The following ABCA10 variants were observed in gnomAD, a reference collection of about 807,000 sequenced individuals.
The protein encoded by ABCA10 is ATP-binding cassette sub-family A member 10.
Under a neutral mutation model 187.5 loss-of-function variants are expected in ABCA10, and 169 were observed. The observed-to-expected ratio is 0.90, with a 90% confidence interval of 0.80 to 1.02. ABCA10 has a LOEUF of 1.02. Among genes scored for constraint, ABCA10 ranks in the 50% least tolerant of loss-of-function variants. The probability of loss-of-function intolerance (pLI) is 0.00; values close to 1 mark genes in which losing one functional copy is unlikely to be tolerated. For missense variants in ABCA10, 1,727 were observed against 1,812.4 expected, an observed-to-expected ratio of 0.95 and a Z score of 0.86; for synonymous variants, 574 against 601.8, an observed-to-expected ratio of 0.95 and a Z score of 0.68.
intron 34 of ABCA10, among the ~76,000 whole-genome samples, chr17:69,152,802 GTAAATAAATAAA>G (rs35681422): frequency 5.3e-5 from 8 of 149,644 alleles, no homozygotes; most frequent in Non-Finnish European, 1.0e-4. Context: ...ATACAATTAA[GTAAATAAATAAA>G]TAAATAAATA....
In ABCA10 at chr17:69,228,563, A is replaced by G. The variant is rs192005886; in HGVS notation, c.-313+18T>C. 1 of 152,162 alleles carries G rather than the reference A, an allele frequency of 6.6e-6. No individual in the cohort carries two copies. The highest frequency in any genetic ancestry group is 2.4e-5 in the African/African-American group (1 of 41,558). 9.4% of individuals were successfully genotyped at this position (152,162 alleles called of 1,614,324 possible). A position where few individuals can be genotyped will look rare whatever the true frequency, so the allele number is the denominator to read the frequency against. On this transcript the variant is annotated intron_variant, in intron 1 of 38. Transcript: ENST00000690296. ...AAACCTTATGCAAAGTGAAAATGTAAAACAAATTTTAACTTACAGTTAAGA... is the reference window on the plus strand; with the variant it reads ...AAACCTTATGCAAAGTGAAAATGTAGAACAAATTTTAACTTACAGTTAAGA...
Position 69,201,506 on chromosome 17 carries a change from G to C in ABCA10, c.1169C>G (p.Ala390Gly), listed in dbSNP as rs767436060. The change falls in exon 10 of 39, where the codon GCC (alanine) becomes GGC (glycine). Residue 390 changes from alanine to glycine, a missense_variant. Transcript: ENST00000690296. ...PVSPEFHGKE[A>G]IRIRNVIKEY... ...CATGTAATTTCTTAGTTACCTTATG[G>C]CTTCTTTTCCATGGAATTCTGGAGA... 1 of 1,580,242 alleles carries C rather than the reference G, an allele frequency of 6.3e-7. No individual in the cohort carries two copies. The highest frequency in any genetic ancestry group is 1.2e-5 in the South Asian group (1 of 83,984).
At position 69,221,881 on chromosome 17, in the gene ABCA10, T is replaced by C. The variant is rs748376146; in HGVS notation, c.214A>G (p.Met72Val). 6.2e-7 allele frequency: 1 copy of C among 1,612,932 alleles called. No individual in the cohort carries two copies. Among genetic ancestry groups the C allele is most frequent in the Non-Finnish European group, 8.5e-7 (1 of 1,179,362 alleles). Residue 72 changes from methionine to valine, a missense_variant, in exon 5 of 39, where the codon ATG becomes GTG. Transcript: ENST00000690296. ...AAGTAACAAAAAATTTCACCATGCATGGCCCAACAGTGTTCTTTAAGGAAG... is the reference window on the plus strand; with the variant it reads ...AAGTAACAAAAAATTTCACCATGCACGGCCCAACAGTGTTCTTTAAGGAAG... ...HSEYTEHCWA[M>V]HGEIFCYLAK...
intron 34 of ABCA10, 113 bp from the exon 35 acceptor site, chr17:69,152,594 T>C: frequency 1.4e-6 from 2 of 1,418,552 alleles, no homozygotes; most frequent in South Asian, 1.5e-5. Context: ...GCAAGAAACC[T>C]GTGCAACATG....
Position 69,185,463 on chromosome 17 carries a change from GC to G in ABCA10, c.2497+13del, listed in dbSNP as rs1391493327. 6.3e-7 allele frequency: 1 copy of G among 1,596,016 alleles called. No homozygotes were observed. Among genetic ancestry groups the G allele is most frequent in the Non-Finnish European group, 8.5e-7 (1 of 1,170,340 alleles). On this transcript the variant is annotated intron_variant, in intron 20 of 38. Coordinates refer to ENST00000690296, the MANE Select transcript of ABCA10 (RefSeq NM_001377321.1). ...TAATAAAAACTCACACTAAATTTCA[GC>G]CCCATTTCTCACCTGTATTATTAAC...
At chr17:69,196,698 G>A (rs1488784164) in intron 11 of ABCA10, among the ~76,000 whole-genome samples, 1 of 152,138 alleles carries the variant, frequency 6.6e-6, no homozygotes, top group Non-Finnish European at 1.5e-5. Context: ...CCAAGATCAC[G>A]CCACTGCACT....
chr17:69,210,512 T>C (rs1432453832), intron 9 of ABCA10, among the ~76,000 whole-genome samples: 2 of 152,038 alleles, frequency 1.3e-5, no homozygotes, highest in Non-Finnish European at 2.9e-5. Flanking sequence ...TCTGAGATTT[T>C]GGTGTACACA....
chr17:69,201,803 T>C, intron 9 of ABCA10, 135 bp from the exon 10 acceptor site: 1 of 795,604 alleles, frequency 1.3e-6, no homozygotes, highest in East Asian at 3.1e-5. Flanking sequence ...ATTTTTTTTT[T>C]TGAGACAGTC....
intron 18 of ABCA10, 81 bp downstream of exon 18, chr17:69,190,277 A>G: frequency 7.1e-7 from 1 of 1,408,558 alleles, no homozygotes; most frequent in Non-Finnish European, 9.3e-7. Flanking sequence ...CCACATAAAA[A>G]TCTACAAATA....
At chr17:69,172,591 C>T (rs2074306015) in intron 25 of ABCA10, among the ~76,000 whole-genome samples, 1 of 151,950 alleles carries the variant, frequency 6.6e-6, no homozygotes, top group African/African-American at 2.4e-5. Flanking sequence ...GTCTGTAGTA[C>T]TTTATTATGG....
Position 69,222,515 on chromosome 17 carries a change from C to A in ABCA10, c.199+18G>T. The A allele has an allele frequency of 6.7e-7, 1 of 1,503,532 alleles. No homozygotes were observed. Among genetic ancestry groups the A allele is most frequent in the Non-Finnish European group, 8.8e-7 (1 of 1,132,742 alleles). The allele number at this position is 1,503,532 out of a possible 1,614,324, so 93.1% of individuals were successfully genotyped here. ...TGAAGTATCAAAAAAAAATTATAAT[C>A]AGTTTTTTTATAGTTACCTGTGTAT... On this transcript the variant is annotated intron_variant, in intron 4 of 38. Coordinates refer to ENST00000690296, the MANE Select transcript of ABCA10 (RefSeq NM_001377321.1).
chr17:69,184,640 T>C (rs2074405951), intron 20 of ABCA10, among the ~76,000 whole-genome samples: 1 of 152,100 alleles, frequency 6.6e-6, no homozygotes, highest in African/African-American at 2.4e-5. Context: ...TGGAAAACAG[T>C]GTGGAGATTC....
At chr17:69,225,927 G>C (rs552818060) in intron 2 of ABCA10, among the ~76,000 whole-genome samples, 2 of 152,122 alleles carry the variant, frequency 1.3e-5, no homozygotes, top group East Asian at 1.9e-4. Flanking sequence ...AGATGATAAA[G>C]GGATGACTTA....
intron 34 of ABCA10, among the ~76,000 whole-genome samples, chr17:69,152,829 AATAG>A (rs1222673299): frequency 7.2e-6 from 1 of 138,348 alleles, no homozygotes; most frequent in East Asian, 2.0e-4. Flanking sequence ...TAAATAAATA[AATAG>A]GCTACAAGAG....
At chr17:69,152,258 T>C in intron 35 of ABCA10, 75 bp from the exon 36 acceptor site, 5 of 1,572,098 alleles carry the variant, frequency 3.2e-6, no homozygotes, top group Non-Finnish European at 4.3e-6. Flanking sequence ...AGGAAGGTGT[T>C]TAATTACAGG....
rs768808451 is a variant in ABCA10, at chr17:69,153,350, T to C, written c.4091A>G (p.Asp1364Gly). 7 of 1,613,676 alleles carry C rather than the reference T, an allele frequency of 4.3e-6. No individual in the cohort carries two copies. The highest frequency in any genetic ancestry group is 5.9e-6 in the Non-Finnish European group (7 of 1,179,768). ...ILGNPSVVLLDEPFTGMDPEG... is the reference protein window; with the variant it reads ...ILGNPSVVLLGEPFTGMDPEG... ...GGGGTCCATCCCGGTGAACGGCTCA[T>C]CTAGAAGCACCACTGATGGGTTCCC... Residue 1364 changes from aspartate to glycine, a missense_variant, in exon 34 of 39, where the codon GAT becomes GGT. Coordinates refer to ENST00000690296, the MANE Select transcript of ABCA10 (RefSeq NM_001377321.1).
At position 69,225,379 on chromosome 17, in the gene ABCA10, T is replaced by C; in HGVS notation, c.-21A>G. On this transcript the variant is annotated 5_prime_UTR_variant, in exon 3 of 39. Coordinates refer to ENST00000690296, the MANE Select transcript of ABCA10 (RefSeq NM_001377321.1). ...TTCATTATCCTTTGTGTTATGTTACTGACTGGTGTATATGCCACTACCAGG... is the reference window on the plus strand; with the variant it reads ...TTCATTATCCTTTGTGTTATGTTACCGACTGGTGTATATGCCACTACCAGG... 1 of 1,612,926 alleles carries C rather than the reference T, an allele frequency of 6.2e-7. No homozygotes were observed. The highest frequency in any genetic ancestry group is 8.5e-7 in the Non-Finnish European group (1 of 1,179,212).
At chr17:69,176,784 A>T (rs1384420487) in intron 22 of ABCA10, among the ~76,000 whole-genome samples, 2 of 152,162 alleles carry the variant, frequency 1.3e-5, no homozygotes, top group African/African-American at 4.8e-5. Flanking sequence ...AAACTGATAA[A>T]TTATTTCTAG....
intron 22 of ABCA10, among the ~76,000 whole-genome samples, chr17:69,180,885 A>AT (rs1412072053): frequency 6.6e-6 from 1 of 152,098 alleles, no homozygotes; most frequent in Non-Finnish European, 1.5e-5. Flanking sequence ...GATTTCTATA[A>AT]TTTTTTCCCT....
Sources: allele counts gnomAD v4.1 joint callset (sites outside exome capture counted in the v4.1 genomes callset), GRCh38; gene constraint gnomAD v4.1.1; transcripts MANE v1.5; gene names NCBI Gene and HGNC (gene_info 2026-07-23, HGNC 2026-07-21).